Variants in ANKH observed in about 807,000 individuals in gnomAD.
ANKH encodes the protein ANKH inorganic pyrophosphate transport regulator, also known as mineralization regulator ANKH.
In ANKH, 15 loss-of-function variants were observed where a neutral mutation model predicts 49.0. The observed-to-expected ratio is 0.31, with a 90% CI of 0.20 to 0.47. ANKH has a LOEUF of 0.47. Ranked by LOEUF, ANKH falls within the 20% of genes least tolerant of loss-of-function variation. The pLI is 1.00. For missense variants in ANKH, 429 were observed against 652.0 expected, an observed-to-expected ratio of 0.66 and a Z score of 3.72; for synonymous variants, 273 against 260.0, an observed-to-expected ratio of 1.05 and a Z score of -0.48.
In ANKH at chr5:14,740,513, C is replaced by T. The variant is rs145411103; in HGVS notation, c.1011+1314G>A. On this transcript the variant is annotated intron_variant, in intron 8 of 11. Transcript: ENST00000284268. ...AGGCAGTGCTGGAATAGGTTCCCAACGCCCCCGTGTTCCACAGGGACAGGC... is the reference window on the plus strand; with the variant it reads ...AGGCAGTGCTGGAATAGGTTCCCAATGCCCCCGTGTTCCACAGGGACAGGC... 2.2e-3 allele frequency among the ~76,000 whole-genome samples: 338 copies of T among 152,254 alleles called. 2 individuals are homozygous for T. Among genetic ancestry groups the T allele is most frequent in the South Asian group, 9.7e-3 (47 of 4,822 alleles).
chr5:14,820,885 C>G (rs1374438662), intron 1 of ANKH, among the ~76,000 whole-genome samples: 2 of 152,144 alleles, frequency 1.3e-5, no homozygotes, highest in Non-Finnish European at 2.9e-5. Flanking sequence ...ATCTCTTAAG[C>G]CCAGGAATTC....
intron 1 of ANKH, among the ~76,000 whole-genome samples, chr5:14,771,609 T>C (rs954764495): frequency 6.6e-6 from 1 of 152,094 alleles, no homozygotes; most frequent in African/African-American, 2.4e-5. Context: ...GGTACATTAT[T>C]AGTTATACCA....
At chr5:14,718,829 A>AC (rs763245972) in intron 8 of ANKH, among the ~76,000 whole-genome samples, 50,186 of 84,430 alleles carry the variant, frequency 0.59, 14,564 homozygotes, top group Middle Eastern at 0.71. Flanking sequence ...TCCCAACACC[A>AC]CCCCCCCCCC....
intron 8 of ANKH, among the ~76,000 whole-genome samples, chr5:14,718,476 C>G (rs1192341622): frequency 6.6e-6 from 1 of 151,956 alleles, no homozygotes; most frequent in South Asian, 2.1e-4. Context: ...TGGGAGAAGA[C>G]ACTGCACCCA....
chr5:14,724,648 G>C, intron 8 of ANKH: 1 of 901,662 alleles, frequency 1.1e-6, no homozygotes, highest in Middle Eastern at 5.7e-4. Context: ...CACTTGCAGA[G>C]TGGGCCATGC....
rs2126406058 is a variant in ANKH at position 14,714,000 on chromosome 5, A to G, written c.1142-333T>C. Among the ~76,000 whole-genome samples the G allele has an allele frequency of 1.3e-5, 2 of 152,336 alleles. No individual in the cohort carries two copies. The highest frequency in any genetic ancestry group is 4.1e-4 in the South Asian group (2 of 4,832). ...ACTTGGCCAGCCTCGCCCTCTGATC[A>G]TCTACCTCTAGAAGAGAACACTCAG... On this transcript the variant is annotated intron_variant, in intron 9 of 11. Coordinates refer to ENST00000284268, the MANE Select transcript of ANKH (RefSeq NM_054027.6). This position sits in a 1 kb window ranked among gnomAD's most constrained non-coding sequence, Gnocchi z 4.4.
chr5:14,845,843 CTTT>C (rs59264153), intron 1 of ANKH, among the ~76,000 whole-genome samples: 4 of 82,564 alleles, frequency 4.8e-5, no homozygotes, highest in African/African-American at 2.0e-4. Context: ...CCTATGCACA[CTTT>C]TTTTTTTTTT....
intron 8 of ANKH, among the ~76,000 whole-genome samples, chr5:14,740,784 G>A (rs1042422327): frequency 3.9e-5 from 6 of 152,196 alleles, no homozygotes; most frequent in Non-Finnish European, 7.3e-5. Flanking sequence ...TTGTGATGAC[G>A]GTAAGAAGGA....
At chr5:14,825,989 A>C (rs1741329986) in intron 1 of ANKH, 1 of 153,598 alleles carries the variant, frequency 6.5e-6, no homozygotes, top group Non-Finnish European at 1.5e-5. Flanking sequence ...TGATTAAAAT[A>C]CTAATTGCAG....
chr5:14,785,780 C>T (rs1371175922), intron 1 of ANKH, among the ~76,000 whole-genome samples: 4 of 151,992 alleles, frequency 2.6e-5, no homozygotes, highest in East Asian at 1.9e-4. Flanking sequence ...ATCGGCAGGG[C>T]GTGGTGGCTC....
At chr5:14,768,830 C>G in intron 2 of ANKH, 145 bp downstream of exon 2, 2 of 910,592 alleles carry the variant, frequency 2.2e-6, no homozygotes, top group Non-Finnish European at 3.5e-6. Flanking sequence ...AGCACAAGCG[C>G]TTTCCTTCTA....
intron 1 of ANKH, among the ~76,000 whole-genome samples, chr5:14,852,822 G>T (rs78305620): frequency 0.051 from 7,736 of 152,162 alleles, 226 homozygotes; most frequent in South Asian, 0.066. Flanking sequence ...CACTCAAGCT[G>T]TCCTGGGTTC....
At chr5:14,844,842 C>T (rs184111533) in intron 1 of ANKH, among the ~76,000 whole-genome samples, 56 of 152,332 alleles carry the variant, frequency 3.7e-4, no homozygotes, top group African/African-American at 1.3e-3. Context: ...TTGTGCATAA[C>T]AAGCTCATTG....
chr5:14,758,631 T>G (rs1490921500), intron 2 of ANKH, 33 bp from the exon 3 acceptor site: 1 of 1,364,922 alleles, frequency 7.3e-7, no homozygotes, highest in Non-Finnish European at 1.0e-6. Context: ...TGTGGAAATA[T>G]TTAGAAAAGG....
chr5:14,846,763 G>A (rs949129447), intron 1 of ANKH, among the ~76,000 whole-genome samples: 18 of 152,028 alleles, frequency 1.2e-4, no homozygotes, highest in African/African-American at 3.6e-4. Context: ...AGGCTGAGGC[G>A]GATGGATTAC....
In ANKH at chr5:14,713,864, G is replaced by A. The variant is rs994109959; in HGVS notation, c.1142-197C>T. On this transcript the variant is annotated intron_variant, in intron 9 of 11. Transcript: ENST00000284268. The surrounding 1 kb of genome is among the most constrained non-coding windows in gnomAD (Gnocchi z 4.4). ...GAGCCTAGGCCCGCCTCGGCTCCCCGCCTCCTCACAGCCCTTTGGATCTAA... is the reference window on the plus strand; with the variant it reads ...GAGCCTAGGCCCGCCTCGGCTCCCCACCTCCTCACAGCCCTTTGGATCTAA... Among the ~76,000 whole-genome samples the A allele has an allele frequency of 2.0e-5, 3 of 152,158 alleles. No homozygotes were observed. The highest frequency in any genetic ancestry group is 4.4e-5 in the Non-Finnish European group (3 of 68,016).
At chr5:14,728,085 T>G (rs1480652537) in intron 8 of ANKH, among the ~76,000 whole-genome samples, 1 of 152,244 alleles carries the variant, frequency 6.6e-6, no homozygotes, top group East Asian at 1.9e-4. Context: ...GTGCTGGATT[T>G]GAGCAAATGC....
At chr5:14,852,338 G>T (rs774540127) in intron 1 of ANKH, among the ~76,000 whole-genome samples, 1 of 152,132 alleles carries the variant, frequency 6.6e-6, no homozygotes, top group African/African-American at 2.4e-5. Context: ...AAGGAAACAT[G>T]ATATGGAAGC....
chr5:14,808,252 A>AT (rs35952510), intron 1 of ANKH, among the ~76,000 whole-genome samples: 9 of 151,330 alleles, frequency 5.9e-5, no homozygotes, highest in African/African-American at 1.9e-4. Context: ...CTACATGTAC[A>AT]TTTTTTTTTA....
Sources: allele counts gnomAD v4.1 joint callset (sites outside exome capture counted in the v4.1 genomes callset), GRCh38; gene constraint gnomAD v4.1.1; non-coding constraint Gnocchi (gnomAD v3.1); transcripts MANE v1.5; gene names NCBI Gene and HGNC (gene_info 2026-07-23, HGNC 2026-07-21).